The following GNA12 variants were observed in gnomAD, a reference collection of about 807,000 sequenced individuals.
GNA12 encodes guanine nucleotide-binding protein subunit alpha-12.
In GNA12, 9 loss-of-function variants were observed where a neutral mutation model predicts 26.0. That is an observed-to-expected ratio of 0.35 (90% CI 0.21 to 0.60). The LOEUF (loss-of-function observed/expected upper bound fraction) is 0.60, where lower values mean the gene tolerates loss of function less well. GNA12 is among the 20% of genes least tolerant of loss of function. GNA12 has a pLI of 0.78. For synonymous variants in GNA12, 264 were observed against 219.6 expected, an observed-to-expected ratio of 1.20 and a Z score of -1.79; for missense variants, 405 against 525.8, an observed-to-expected ratio of 0.77 and a Z score of 2.25.
At chr7:2,797,328 G>A (rs1056024594) in intron 1 of GNA12, among the ~76,000 whole-genome samples, 3 of 152,116 alleles carry the variant, frequency 2.0e-5, no homozygotes, top group African/African-American at 7.2e-5. Flanking sequence ...GATTTTCGTA[G>A]AGTCAGGGTC....
chr7:2,771,857 T>A (rs567296209), intron 2 of GNA12, among the ~76,000 whole-genome samples: 1 of 152,322 alleles, frequency 6.6e-6, no homozygotes, highest in East Asian at 1.9e-4. Context: ...GTGCCCCGCT[T>A]TTCCAAAGCA....
chr7:2,753,838 T>C (rs910261988), intron 2 of GNA12, among the ~76,000 whole-genome samples: 1 of 152,190 alleles, frequency 6.6e-6, no homozygotes, highest in Non-Finnish European at 1.5e-5. Flanking sequence ...CTTTTTCTTC[T>C]GGGCAACCTC....
intron 1 of GNA12, chr7:2,836,008 GA>G: frequency 2.8e-6 from 1 of 360,098 alleles, no homozygotes. Context: ...CATAAACCTT[GA>G]AGCTGATGAA....
chr7:2,748,206 A>G (rs932577987), intron 2 of GNA12, among the ~76,000 whole-genome samples: 3 of 151,222 alleles, frequency 2.0e-5, no homozygotes, highest in African/African-American at 7.3e-5. Flanking sequence ...CGCCAAGTCA[A>G]TCCTAAGCCA....
At chr7:2,828,830 T>C (rs1583313669) in intron 1 of GNA12, among the ~76,000 whole-genome samples, 1 of 151,956 alleles carries the variant, frequency 6.6e-6, no homozygotes, top group Non-Finnish European at 1.5e-5. Flanking sequence ...CCAAGGTGGG[T>C]GGGTTGCTTG....
At chr7:2,798,141 G>A (rs1462803886) in intron 1 of GNA12, among the ~76,000 whole-genome samples, 2 of 152,158 alleles carry the variant, frequency 1.3e-5, no homozygotes, top group African/African-American at 4.8e-5. Context: ...GTTCTAGCCA[G>A]TGCGACAAGG....
intron 2 of GNA12, among the ~76,000 whole-genome samples, chr7:2,788,521 G>T (rs17132706): frequency 0.019 from 2,926 of 152,274 alleles, 53 homozygotes; most frequent in Middle Eastern, 0.075. Context: ...ACATGTAATT[G>T]ACTGGCCACA....
chr7:2,808,962 C>T (rs1208494236), intron 1 of GNA12, among the ~76,000 whole-genome samples: 1 of 152,202 alleles, frequency 6.6e-6, no homozygotes, highest in Admixed American at 6.5e-5. Context: ...ACCCTTTGCC[C>T]CGGATAGCCG....
rs187202020 is a variant in GNA12, at chr7:2,753,958, C to T, written c.526-20457G>A. ...ACCACGAGCTCTGTAGGTCCGGCGG[C>T]GCATCTTAGGTGCTTTGTTCACTTG... On this transcript the variant is annotated intron_variant, in intron 2 of 3. Transcript: ENST00000275364. 2.2e-3 allele frequency among the ~76,000 whole-genome samples: 337 copies of T among 152,226 alleles called. 1 individual carries two copies. The highest frequency in any genetic ancestry group is 3.6e-3 in the Admixed American group (55 of 15,298).
In GNA12 at chr7:2,731,624, G is replaced by A. The variant is rs1789902296; in HGVS notation, c.703C>T (p.Arg235Cys). ...MVDVGGQRSQ[R>C]QKWFQCFDGI... ...TCGAAGCACTGGAACCACTTCTGGC[G>A]CTGGGACCGCTGGCCGCCCACATCC... The change falls in exon 4 of 4, where the codon CGC (arginine) becomes TGC (cysteine). Residue 235 changes from arginine to cysteine, a missense_variant. Coordinates refer to ENST00000275364, the MANE Select transcript of GNA12 (RefSeq NM_007353.3). The surrounding 1 kb of genome is among the most constrained non-coding windows in gnomAD (Gnocchi z 6.0). The A allele has an allele frequency of 1.2e-6, 2 of 1,613,822 alleles. No individual in the cohort carries two copies. The highest frequency in any genetic ancestry group is 1.7e-6 in the Non-Finnish European group (2 of 1,179,918).
chr7:2,838,999 C>T (rs1378737629), intron 1 of GNA12, among the ~76,000 whole-genome samples: 1 of 152,202 alleles, frequency 6.6e-6, no homozygotes, highest in African/African-American at 2.4e-5. Flanking sequence ...TAGAACTCAA[C>T]ACCACTATCA....
intron 1 of GNA12, among the ~76,000 whole-genome samples, chr7:2,830,656 ATC>A (rs1360659663): frequency 6.6e-6 from 1 of 152,204 alleles, no homozygotes; most frequent in Non-Finnish European, 1.5e-5. Context: ...AGTAGCTGAG[ATC>A]TCTCTGCAAG....
intron 1 of GNA12, among the ~76,000 whole-genome samples, chr7:2,835,167 C>T (rs754896134): frequency 3.3e-5 from 5 of 152,134 alleles, no homozygotes; most frequent in Non-Finnish European, 7.3e-5. Flanking sequence ...TGGGATTTAA[C>T]GCATCACACA....
intron 2 of GNA12, among the ~76,000 whole-genome samples, chr7:2,791,749 T>G (rs536717569): frequency 4.6e-5 from 7 of 152,330 alleles, no homozygotes; most frequent in African/African-American, 1.7e-4. Flanking sequence ...GGAGCCCTGG[T>G]AACGGTGACT....
chr7:2,762,953 G>A lies in GNA12; in HGVS notation c.526-29452C>T, dbSNP rs1791637548. On this transcript the variant is annotated intron_variant, in intron 2 of 3. Transcript: ENST00000275364. ...CCCCAGACACTCCCGTGGGGCCCGT[G>A]CCAGGGTCTCCTGCTCCTCAGAAAG... is the stretch of plus-strand genomic sequence containing the variant. 7 of 1,368,000 alleles carry A rather than the reference G, an allele frequency of 5.1e-6. No individual in the cohort carries two copies. In the South Asian group the frequency reaches 1.3e-4, roughly 25 times the overall value. 84.7% of individuals were successfully genotyped at this position (1,368,000 alleles called of 1,614,324 possible).
chr7:2,794,421 A>G (rs917088987), intron 2 of GNA12, among the ~76,000 whole-genome samples: 4 of 152,230 alleles, frequency 2.6e-5, no homozygotes, highest in African/African-American at 7.2e-5. Context: ...TTTTCTGGTT[A>G]TAGATTCAGA....
At chr7:2,776,554 T>C (rs1029300551) in intron 2 of GNA12, among the ~76,000 whole-genome samples, 7 of 152,212 alleles carry the variant, frequency 4.6e-5, no homozygotes, top group South Asian at 2.1e-4. Context: ...CCCCATTCGA[T>C]GTTCCTGTTT....
intron 2 of GNA12, among the ~76,000 whole-genome samples, chr7:2,774,216 T>A (rs530841963): frequency 2.6e-5 from 4 of 152,168 alleles, no homozygotes; most frequent in Non-Finnish European, 4.4e-5. Flanking sequence ...TGAGTTAATA[T>A]AGATGCACTT....
chr7:2,768,571 T>C (rs1791866242), intron 2 of GNA12, among the ~76,000 whole-genome samples: 1 of 151,956 alleles, frequency 6.6e-6, no homozygotes, highest in South Asian at 2.1e-4. Flanking sequence ...CTAATGCTAA[T>C]AAGTTTTCTT....
Sources: gnomAD v4.1 joint callset for allele counts (sites outside exome capture counted in the v4.1 genomes callset) on GRCh38, gnomAD v4.1.1 for gene constraint, Gnocchi (gnomAD v3.1) non-coding constraint, MANE v1.5 for transcripts, NCBI Gene and HGNC (gene_info 2026-07-23, HGNC 2026-07-21) for gene names.